The following TIMM50 variants were observed in gnomAD, a reference collection of about 807,000 sequenced individuals.
TIMM50 encodes the protein mitochondrial import inner membrane translocase subunit TIM50.
In TIMM50, 34 loss-of-function variants were observed where a neutral mutation model predicts 49.6. The observed-to-expected ratio is 0.69, with a 90% confidence interval of 0.52 to 0.91. The LOEUF (loss-of-function observed/expected upper bound fraction) is 0.91, where lower values mean the gene tolerates loss of function less well. TIMM50 is among the 40% of genes least tolerant of loss of function. TIMM50 has a pLI of 0.00. For synonymous variants in TIMM50, 199 were observed against 198.4 expected (o/e 1.00, Z -0.03); for missense variants, 458 against 477.8 (o/e 0.96, Z 0.39).
At chr19:39,485,896 G>C (rs1408656109) in intron 6 of TIMM50, 89 bp downstream of exon 6, 1 of 1,558,226 alleles carries the variant, frequency 6.4e-7, no homozygotes, top group Non-Finnish European at 8.7e-7. Flanking sequence ...TGTGCTATGT[G>C]ATCTTGGGGA....
Position 39,488,665 on chromosome 19 carries a change from G to C in TIMM50, c.960+20G>C. On this transcript the variant is annotated intron_variant, in intron 10 of 10. Transcript: ENST00000607714. ...GAGCAGGTTGGTGCTCAGATGCCCA[G>C]AGTGGAGGATCGGCTCTGAGGCTCC... 1 of 1,604,670 alleles carries C rather than the reference G, an allele frequency of 6.2e-7. No individual in the cohort carries two copies. The highest frequency in any genetic ancestry group is 1.1e-5 in the South Asian group (1 of 90,822).
At chr19:39,481,205 G>C in intron 1 of TIMM50, 1 of 555,790 alleles carries the variant, frequency 1.8e-6, no homozygotes. Context: ...GGGGGTTACC[G>C]TTCCCCGTTT....
chr19:39,492,893 C>CAAAAAAAAAAA lies in TIMM50; in HGVS notation c.*3083_*3084insAAAAAAAAAAA, dbSNP rs1159452213. The CAAAAAAAAAAA allele has an allele frequency of 3.2e-5, 2 of 62,984 alleles. No individual in the cohort carries two copies. The highest frequency in any genetic ancestry group is 5.1e-4 in the East Asian group (1 of 1,968). The allele number at this position is 62,984 out of a possible 1,614,324, so 3.9% of individuals were successfully genotyped here. On this transcript the variant is annotated 3_prime_UTR_variant, in exon 11 of 11. Transcript: ENST00000607714. The stretch of plus-strand genomic sequence containing the variant: ...CTCCAAAAAAAAAAAAAAAAAAAAA[C>CAAAAAAAAAAA]AAAAAAAAAACCAGTTTGACTTTAT...
intron 2 of TIMM50, 57 bp downstream of exon 2, chr19:39,482,090 G>T: frequency 6.3e-7 from 1 of 1,585,600 alleles, no homozygotes; most frequent in South Asian, 1.1e-5. Flanking sequence ...GGTCCACTGT[G>T]GAACCTCCCA....
rs529246971 is a variant in TIMM50, at chr19:39,492,321, G to C, written c.*2501G>C. 6.0e-5 allele frequency: 9 copies of C among 150,548 alleles called. No homozygotes were observed. Among genetic ancestry groups the C allele is most frequent in the East Asian group, 4.0e-4 (2 of 4,976 alleles). 9.3% of individuals were successfully genotyped at this position (150,548 alleles called of 1,614,324 possible). A position where few individuals can be genotyped will look rare whatever the true frequency, so the allele number is the denominator to read the frequency against. On this transcript the variant is annotated 3_prime_UTR_variant, in exon 11 of 11. Coordinates refer to ENST00000607714, the MANE Select transcript of TIMM50 (RefSeq NM_001001563.5). ...ATGGGAAGAGCCTGTCTCTTGCGGGGGGGGGAGAAGAAAGTTCTTGTCTCA... is the reference window on the plus strand; with the variant it reads ...ATGGGAAGAGCCTGTCTCTTGCGGGCGGGGGAGAAGAAAGTTCTTGTCTCA...
chr19:39,482,972 G>T, intron 3 of TIMM50, 56 bp downstream of exon 3: 1 of 1,613,168 alleles, frequency 6.2e-7, no homozygotes, highest in East Asian at 2.2e-5. Context: ...GGGTGAGAGG[G>T]GTCCCCTTTG....
At position 39,491,846 on chromosome 19, in the gene TIMM50, AAAAAACC is replaced by A. The variant is rs2079547606; in HGVS notation, c.*2027_*2033del. ...TGTCTCAAAAAAAAAAAAAAAAAAA[AAAAAACC>A]TTAAGATTTTTTTTTGGAGTCAGGG... On this transcript the variant is annotated 3_prime_UTR_variant, in exon 11 of 11. Transcript: ENST00000607714. 1 of 151,330 alleles carries A rather than the reference AAAAAACC, an allele frequency of 6.6e-6. No individual in the cohort carries two copies. The highest frequency in any genetic ancestry group is 2.4e-5 in the African/African-American group (1 of 41,136). 9.4% of individuals were successfully genotyped at this position (151,330 alleles called of 1,614,324 possible).
intron 6 of TIMM50, 46 bp downstream of exon 6, chr19:39,485,853 G>A (rs373621463): frequency 1.2e-6 from 2 of 1,610,242 alleles, no homozygotes; most frequent in Non-Finnish European, 1.7e-6. Context: ...CCTGGGCAGT[G>A]GGGTTGTGAT....
At position 39,493,199 on chromosome 19, in the gene TIMM50, C is replaced by T. The variant is rs553431932; in HGVS notation, c.*3379C>T. 2.6e-4 allele frequency: 40 copies of T among 152,036 alleles called. No individual in the cohort carries two copies. The highest frequency in any genetic ancestry group is 9.6e-4 in the African/African-American group (40 of 41,464). 9.4% of individuals were successfully genotyped at this position (152,036 alleles called of 1,614,324 possible). On this transcript the variant is annotated 3_prime_UTR_variant, in exon 11 of 11. Coordinates refer to ENST00000607714, the MANE Select transcript of TIMM50 (RefSeq NM_001001563.5). ...AGCCGGTGGAGTTATTTCCCAAAAT[C>T]CTTGGTCCTTCCCAGCTTGAGGAAG...
rs908973006 is a variant in TIMM50 at position 39,481,948 on chromosome 19, G to C, written c.174G>C (p.Glu58Asp). 2.7e-5 allele frequency: 44 copies of C among 1,614,102 alleles called. No homozygotes were observed. Among genetic ancestry groups the C allele is most frequent in the Non-Finnish European group, 3.7e-5 (44 of 1,180,058 alleles). ...GGCCACAGCAGCAGCCGGGCTCAGA[G>C]GGTCCCAGCTATGCCAAAAAAGTTG... ...AQGPQQQPGS[E>D]GPSYAKKVAL... Residue 58 changes from glutamate to aspartate, a missense_variant, in exon 2 of 11, where the codon GAG (glutamate) becomes GAC (aspartate). By Grantham distance (45) the Glu-to-Asp change is conservative (BLOSUM62 2). Transcript: ENST00000607714.
rs1040659338 is a variant in TIMM50, at chr19:39,486,067, G to A, written c.493-120G>A. 1.1e-5 allele frequency: 13 copies of A among 1,176,246 alleles called. No homozygotes were observed. The African/African-American group carries it at 1.8e-4, about 17-fold the overall frequency. 72.9% of individuals were successfully genotyped at this position (1,176,246 alleles called of 1,614,324 possible). On this transcript the variant is annotated intron_variant, in intron 6 of 10. Coordinates refer to ENST00000607714, the MANE Select transcript of TIMM50 (RefSeq NM_001001563.5). ...CCTATGAACTTCTTGACCTCCAAGA[G>A]CCACAGAGACAGAGGGAGAGAACTC...
At chr19:39,485,281 G>A (rs1397837448) in intron 4 of TIMM50, 1 of 527,024 alleles carries the variant, frequency 1.9e-6, no homozygotes, top group Non-Finnish European at 3.4e-6. Flanking sequence ...GGTTTTAAGT[G>A]GGCCAATGTA....
At chr19:39,481,043 G>C (rs1402513435) in intron 1 of TIMM50, 82 bp downstream of exon 1, 1 of 1,441,116 alleles carries the variant, frequency 6.9e-7, no homozygotes, top group Non-Finnish European at 9.1e-7. Context: ...TGGGGGTTCC[G>C]GGACGCCTCA....
In TIMM50 at chr19:39,492,061, CA is replaced by C. The variant is rs1568444987; in HGVS notation, c.*2242del. On this transcript the variant is annotated 3_prime_UTR_variant, in exon 11 of 11. Transcript: ENST00000607714. Reference sequence around the variant, plus strand: ...CATGTGTCTCCTGTATTGACAGTACCACTGTGTATTAAGAGTATGAGTCCCA... The same window carrying C: ...CATGTGTCTCCTGTATTGACAGTACCCTGTGTATTAAGAGTATGAGTCCCA... 6.6e-6 allele frequency: 1 copy of C among 152,036 alleles called. No individual in the cohort carries two copies. The highest frequency in any genetic ancestry group is 1.5e-5 in the Non-Finnish European group (1 of 68,030). 9.4% of individuals were successfully genotyped at this position (152,036 alleles called of 1,614,324 possible). A position where few individuals can be genotyped will look rare whatever the true frequency, so the allele number is the denominator to read the frequency against.
intron 1 of TIMM50, chr19:39,481,249 G>A (rs2079469458): frequency 6.4e-6 from 3 of 470,484 alleles, no homozygotes; most frequent in Non-Finnish European, 1.1e-5. Context: ...GAGCAGGAGG[G>A]GCCTGGGACG....
In TIMM50 at chr19:39,489,727, G is replaced by A; in HGVS notation, c.969G>A (p.Gln323=). The stretch of plus-strand genomic sequence containing the variant: ...CTGTCCCCCTACCCCAGGAGGAGCA[G>A]CAGCGCCTGGCCGAGCTCTCCAAGT... ...QRQSRLEQEE[Q]QRLAELSKSN... is the part of the protein sequence containing the mutation. The change falls in exon 11 of 11, where the codon CAG becomes CAA. Residue 323 remains glutamine (Q), a synonymous_variant. Transcript: ENST00000607714. 6.2e-7 allele frequency: 1 copy of A among 1,606,418 alleles called. No individual in the cohort carries two copies. Among genetic ancestry groups the A allele is most frequent in the Non-Finnish European group, 8.5e-7 (1 of 1,176,898 alleles).
rs1258040138 is a variant in TIMM50, at chr19:39,481,228, A to T, written c.108+267A>T. ...CCGTTCCCCGTTTCAGTGACCACTC[A>T]GGTGATACTTGAGCAGGAGGGGCCT... On this transcript the variant is annotated intron_variant, in intron 1 of 10. Transcript: ENST00000607714. The T allele has an allele frequency of 7.6e-6, 4 of 523,520 alleles. No homozygotes were observed. The South Asian group carries it at 8.2e-5, about 11-fold the overall frequency. 32.4% of individuals were successfully genotyped at this position (523,520 alleles called of 1,614,324 possible).
At chr19:39,486,041 G>A (rs1365780021) in intron 6 of TIMM50, 146 bp from the exon 7 acceptor site, 4 of 1,080,898 alleles carry the variant, frequency 3.7e-6, no homozygotes, top group Non-Finnish European at 5.5e-6. Flanking sequence ...CGCAGTCACA[G>A]CCTATGAACT....
rs1480565396 is a variant in TIMM50 at position 39,485,621 on chromosome 19, C to T, written c.372+19C>T. 6.2e-7 allele frequency: 1 copy of T among 1,614,170 alleles called. No homozygotes were observed. The highest frequency in any genetic ancestry group is 8.5e-7 in the Non-Finnish European group (1 of 1,180,050). ...TAGACAGGTGAGCAGAAGCCCTGGG[C>T]TCAGTCCCCATGTCTCCAGCCCTGG... On this transcript the variant is annotated intron_variant, in intron 5 of 10. Transcript: ENST00000607714.
Sources: allele counts gnomAD v4.1 joint callset, GRCh38; gene constraint gnomAD v4.1.1; transcripts MANE v1.5; gene names NCBI Gene and HGNC (gene_info 2026-07-23, HGNC 2026-07-21).